Variants in ALOX5 observed in about 807,000 individuals in gnomAD.
ALOX5 encodes the protein arachidonate 5-lipoxygenase.
In ALOX5, 64 loss-of-function variants were observed where a neutral mutation model predicts 87.9. The ratio of observed to expected loss-of-function variants is 0.73; its 90% CI spans 0.60 to 0.90. ALOX5 has a LOEUF of 0.90. Ranked by LOEUF, ALOX5 falls within the 40% of genes least tolerant of loss-of-function variation. The probability of loss-of-function intolerance (pLI) is 0.00; values close to 1 mark genes in which losing one functional copy is unlikely to be tolerated. For synonymous variants in ALOX5, 388 were observed against 355.1 expected (o/e 1.09, Z -1.04); for missense variants, 822 against 907.5 (o/e 0.91, Z 1.21).
intron 2 of ALOX5, among the ~76,000 whole-genome samples, chr10:45,395,521 G>A (rs528102549): frequency 2.0e-5 from 3 of 152,068 alleles, no homozygotes; most frequent in South Asian, 4.2e-4. Flanking sequence ...CGAGTTAATG[G>A]GTGCAGCACA....
At chr10:45,381,982 T>C (rs1295040520) in intron 1 of ALOX5, among the ~76,000 whole-genome samples, 1 of 152,264 alleles carries the variant, frequency 6.6e-6, no homozygotes, top group Non-Finnish European at 1.5e-5. Flanking sequence ...GACAGATTCA[T>C]GGGCGAAAGC....
chr10:45,443,576 C>T, intron 11 of ALOX5, 39 bp downstream of exon 11: 1 of 1,599,096 alleles, frequency 6.3e-7, no homozygotes, highest in Non-Finnish European at 8.5e-7. Context: ...GGCTCCCCCG[C>T]AGTCGGCAGC....
chr10:45,445,148 A>G (rs1408039619), intron 13 of ALOX5, among the ~76,000 whole-genome samples: 1 of 152,162 alleles, frequency 6.6e-6, no homozygotes, highest in Non-Finnish European at 1.5e-5. Context: ...AGCGCCCCTG[A>G]TGGGAGGTGA....
At chr10:45,387,156 G>A (rs1840037219) in intron 2 of ALOX5, among the ~76,000 whole-genome samples, 1 of 152,176 alleles carries the variant, frequency 6.6e-6, no homozygotes, top group African/African-American at 2.4e-5. Flanking sequence ...ATGTGAGGGG[G>A]TCAGGGCAAC....
chr10:45,444,173 A>C lies in ALOX5; in HGVS notation c.1732A>C (p.Thr578Pro). ...APPTMRAPPP[T>P]AKGVVTIEQI... ...CCCAACCATGCGAGCCCCGCCACCG[A>C]CTGCCAAGGGCGTGGTGACCATTGA... is the stretch of plus-strand genomic sequence containing the variant. Residue 578 changes from threonine (T) to proline (P), a missense_variant, in exon 13 of 14, where the codon ACT (threonine) becomes CCT (proline). Thr to Pro is a conservative substitution (Grantham distance 38). Transcript: ENST00000374391. 1.3e-6 allele frequency: 2 copies of C among 1,556,866 alleles called. No individual in the cohort carries two copies. The highest frequency in any genetic ancestry group is 1.2e-5 in the South Asian group (1 of 84,440).
rs533226890 is a variant in ALOX5, at chr10:45,390,605, G to A, written c.350-5250G>A. Among the ~76,000 whole-genome samples, 14 of 152,286 alleles carry A rather than the reference G, an allele frequency of 9.2e-5. No individual in the cohort carries two copies. The South Asian group carries it at 1.5e-3, about 16-fold the overall frequency. ...CCTGAATGACTACTGGGTACATAAC[G>A]AAATGAAGGCAGAAATAAAGATTTT... On this transcript the variant is annotated intron_variant, in intron 2 of 13. Transcript: ENST00000374391.
chr10:45,424,968 A>T lies in ALOX5; in HGVS notation c.670A>T (p.Met224Leu). The change falls in exon 6 of 14, where the codon ATG becomes TTG. Residue 224 changes from methionine to leucine, a missense_variant. Met to Leu is a conservative substitution (Grantham distance 15, BLOSUM62 2). Transcript: ENST00000374391. Reference sequence around the variant, plus strand: ...CGCTTTTCTCCTGGTAGAGCGGGTCATGAATCACTGGCAGGAAGACCTGAT... The same window carrying T: ...CGCTTTTCTCCTGGTAGAGCGGGTCTTGAATCACTGGCAGGAAGACCTGAT... ...KISNTISERVMNHWQEDLMFG... is the reference protein window; with the variant it reads ...KISNTISERVLNHWQEDLMFG... 1 of 1,614,218 alleles carries T rather than the reference A, an allele frequency of 6.2e-7. No homozygotes were observed. Among genetic ancestry groups the T allele is most frequent in the Non-Finnish European group, 8.5e-7 (1 of 1,180,030 alleles).
chr10:45,416,186 C>G (rs1298133635), intron 4 of ALOX5, among the ~76,000 whole-genome samples: 2 of 151,984 alleles, frequency 1.3e-5, no homozygotes, highest in Admixed American at 1.3e-4. Flanking sequence ...TCATGGCCAT[C>G]CTGGGAGGTA....
At chr10:45,374,627 G>A (rs1412401049) in intron 1 of ALOX5, among the ~76,000 whole-genome samples, 198 bp downstream of exon 1, 1 of 152,162 alleles carries the variant, frequency 6.6e-6, no homozygotes, top group Non-Finnish European at 1.5e-5. Context: ...TGGGTACCCT[G>A]GTGGGCAAGC....
chr10:45,377,129 A>G (rs936886936), intron 1 of ALOX5, among the ~76,000 whole-genome samples: 22 of 152,352 alleles, frequency 1.4e-4, no homozygotes, highest in African/African-American at 5.3e-4. Context: ...TGATACTTGA[A>G]TATGTTCAAC....
chr10:45,399,296 G>A (rs1334374342), intron 3 of ALOX5, among the ~76,000 whole-genome samples: 1 of 152,228 alleles, frequency 6.6e-6, no homozygotes, highest in Non-Finnish European at 1.5e-5. Flanking sequence ...GGCAGGGAAT[G>A]AGGAAGTGGT....
intron 13 of ALOX5, 129 bp from the exon 14 acceptor site, chr10:45,445,379 A>C: frequency 8.9e-7 from 1 of 1,129,550 alleles, no homozygotes; most frequent in Non-Finnish European, 1.3e-6. Context: ...GAGGGTGAAT[A>C]TGGGGAGGTG....
intron 3 of ALOX5, among the ~76,000 whole-genome samples, chr10:45,403,056 G>A (rs1840757150): frequency 6.6e-6 from 1 of 152,192 alleles, no homozygotes; most frequent in African/African-American, 2.4e-5. Flanking sequence ...AGGAGGACAA[G>A]TTGGTAAGAC....
intron 3 of ALOX5, among the ~76,000 whole-genome samples, chr10:45,404,010 A>T (rs76529274): frequency 5.3e-5 from 8 of 152,370 alleles, no homozygotes; most frequent in Admixed American, 1.3e-4. Context: ...CTAACACTTT[A>T]GTATGAATTA....
intron 3 of ALOX5, 54 bp downstream of exon 3, chr10:45,395,990 A>G (rs1486121108): frequency 2.6e-6 from 4 of 1,550,926 alleles, no homozygotes; most frequent in Non-Finnish European, 3.6e-6. Flanking sequence ...CTTCTATCTC[A>G]AGAGCATGGT....
chr10:45,390,461 T>C (rs557479157), intron 2 of ALOX5, among the ~76,000 whole-genome samples: 2 of 152,274 alleles, frequency 1.3e-5, no homozygotes, highest in East Asian at 3.9e-4. Context: ...CCTTAGCAAA[T>C]GTAAAAGAAC....
Position 45,445,790 on chromosome 10 carries a change from T to G in ALOX5, c.*103T>G. On this transcript the variant is annotated 3_prime_UTR_variant, in exon 14 of 14. Coordinates refer to ENST00000374391, the MANE Select transcript of ALOX5 (RefSeq NM_000698.5). ...CCAGGCCTCTTGGCAGTCACATCTC[T>G]TCCTCCGAGGCCAGTACCTTTCCAT... 5.1e-5 allele frequency: 64 copies of G among 1,258,520 alleles called. No individual in the cohort carries two copies. The highest frequency in any genetic ancestry group is 6.4e-5 in the Non-Finnish European group (57 of 893,222). 78.0% of individuals were successfully genotyped at this position (1,258,520 alleles called of 1,614,324 possible). A position where few individuals can be genotyped will look rare whatever the true frequency, so the allele number is the denominator to read the frequency against.
chr10:45,445,767 A>G lies in ALOX5; in HGVS notation c.*80A>G. The stretch of plus-strand genomic sequence containing the variant: ...AGCCTGCCTGGCAGGCTGTCTGGCC[A>G]GGCCTCTTGGCAGTCACATCTCTTC... On this transcript the variant is annotated 3_prime_UTR_variant, in exon 14 of 14. Transcript: ENST00000374391. The G allele has an allele frequency of 6.7e-7, 1 of 1,486,968 alleles. No homozygotes were observed. Among genetic ancestry groups the G allele is most frequent in the Non-Finnish European group, 9.2e-7 (1 of 1,087,506 alleles). 92.1% of individuals were successfully genotyped at this position (1,486,968 alleles called of 1,614,324 possible). A position where few individuals can be genotyped will look rare whatever the true frequency, so the allele number is the denominator to read the frequency against.
Position 45,375,436 on chromosome 10 carries a change from G to A in ALOX5, c.150+1007G>A, listed in dbSNP as rs369417856. Among the ~76,000 whole-genome samples, 95 of 152,284 alleles carry A rather than the reference G, an allele frequency of 6.2e-4. 2 individuals are homozygous for A. The highest frequency in any genetic ancestry group is 1.9e-3 in the African/African-American group (77 of 41,548). ...ATAGTCCCAGACATACTGCAGGTGCGCAGGGAATATCAGTTCCCTTCCACC... is the reference window on the plus strand; with the variant it reads ...ATAGTCCCAGACATACTGCAGGTGCACAGGGAATATCAGTTCCCTTCCACC... On this transcript the variant is annotated intron_variant, in intron 1 of 13. Coordinates refer to ENST00000374391, the MANE Select transcript of ALOX5 (RefSeq NM_000698.5).
Sources: gnomAD v4.1 joint callset for allele counts (sites outside exome capture counted in the v4.1 genomes callset) on GRCh38, gnomAD v4.1.1 for gene constraint, MANE v1.5 for transcripts, NCBI Gene and HGNC (gene_info 2026-07-23, HGNC 2026-07-21) for gene names.